The following PANX3 variants were observed in gnomAD, a reference collection of about 807,000 sequenced individuals.
PANX3 encodes pannexin 3.
Under a neutral mutation model 31.5 loss-of-function variants are expected in PANX3, and 18 were observed. That is an observed-to-expected ratio of 0.57 (90% CI 0.39 to 0.85). The LOEUF (loss-of-function observed/expected upper bound fraction) is 0.85. Among genes scored for constraint, PANX3 ranks in the 40% least tolerant of loss-of-function variants. PANX3 has a pLI of 0.00. For missense variants in PANX3, 426 were observed against 485.4 expected, an observed-to-expected ratio of 0.88 and a Z score of 1.15; for synonymous variants, 194 against 201.6, an observed-to-expected ratio of 0.96 and a Z score of 0.32.
At chr11:124,613,573 C>T (rs924685645) in intron 2 of PANX3, among the ~76,000 whole-genome samples, 5 of 152,226 alleles carry the variant, frequency 3.3e-5, no homozygotes, top group South Asian at 2.1e-4. Flanking sequence ...TGTCCCAGCA[C>T]GGCTCCCCTG....
In PANX3 at chr11:124,619,828, C is replaced by A; in HGVS notation, c.1072C>A (p.Gln358Lys). 6.2e-7 allele frequency: 1 copy of A among 1,614,046 alleles called. No individual in the cohort carries two copies. The highest frequency in any genetic ancestry group is 1.6e-4 in the Middle Eastern group (1 of 6,062). ...VLCVLKDTTT[Q>K]KHNIDTVVDF... ...ATGTGTGTTGAAGGATACAACCACC[C>A]AGAAGCACAATATTGACACAGTAGT... is the stretch of plus-strand genomic sequence containing the variant. Residue 358 changes from glutamine to lysine, a missense_variant, in exon 4 of 4, where the codon CAG becomes AAG. Coordinates refer to ENST00000284288, the MANE Select transcript of PANX3 (RefSeq NM_052959.3).
chr11:124,619,895 C>T lies in PANX3; in HGVS notation c.1139C>T (p.Pro380Leu), dbSNP rs754564151. The T allele has an allele frequency of 6.2e-7, 1 of 1,612,432 alleles. No individual in the cohort carries two copies. The highest frequency in any genetic ancestry group is 2.2e-5 in the East Asian group (1 of 44,856). The stretch of plus-strand genomic sequence containing the variant: ...TTGGCTGGCTTAGAACCCTCAAAAC[C>T]CAAACACCTCACCAACTCGGCATGT... ...TLLAGLEPSKPKHLTNSACDE... is the reference protein window; with the variant it reads ...TLLAGLEPSKLKHLTNSACDE... Residue 380 changes from proline to leucine, a missense_variant, in exon 4 of 4, where the codon CCC becomes CTC. Transcript: ENST00000284288.
At position 124,611,586 on chromosome 11, in the gene PANX3, C is replaced by T. The variant is rs1419210242; in HGVS notation, c.30C>T (p.Tyr10=). The change falls in exon 1 of 4, where the codon TAC becomes TAT. Residue 10 remains tyrosine, a synonymous_variant. Coordinates refer to ENST00000284288, the MANE Select transcript of PANX3 (RefSeq NM_052959.3). ...CACTTGCACACACAGCTGCAGAGTA[C>T]ATGCTCTCAGATGCCCTGCTGCCTG... MSLAHTAAE[Y]MLSDALLPDR... The T allele has an allele frequency of 2.5e-6, 4 of 1,614,034 alleles. No homozygotes were observed. The South Asian group carries it at 3.3e-5, about 13-fold the overall frequency.
At chr11:124,614,167 T>TAAAAAAAAAAAAA (rs71042444) in intron 2 of PANX3, among the ~76,000 whole-genome samples, 1 of 73,460 alleles carries the variant, frequency 1.4e-5, no homozygotes, top group African/African-American at 4.2e-5. Flanking sequence ...ATCTAAATGG[T>TAAAAAAAAAAAAA]AAAAAAAAAA....
chr11:124,614,864 A>C (rs1054277869), intron 2 of PANX3, among the ~76,000 whole-genome samples: 1 of 150,784 alleles, frequency 6.6e-6, no homozygotes, highest in Non-Finnish European at 1.5e-5. Context: ...TTTAGTAGAG[A>C]TGGGGTTTTA....
intron 3 of PANX3, among the ~76,000 whole-genome samples, chr11:124,618,308 G>A (rs1177139003): frequency 6.6e-6 from 1 of 152,100 alleles, no homozygotes; most frequent in Non-Finnish European, 1.5e-5. Context: ...TCTATCTTTT[G>A]AAGCCCAGAT....
intron 3 of PANX3, among the ~76,000 whole-genome samples, chr11:124,618,848 GT>G (rs1863182075): frequency 1.3e-5 from 2 of 152,270 alleles, no homozygotes; most frequent in Admixed American, 1.3e-4. Flanking sequence ...GTCTTACTGT[GT>G]TTCCCATGGT....
chr11:124,611,863 C>A, intron 1 of PANX3, 126 bp downstream of exon 1: 1 of 1,040,026 alleles, frequency 9.6e-7, no homozygotes, highest in Non-Finnish European at 1.3e-6. Context: ...GCTGGATTAT[C>A]CAAAAGGCAG....
intron 2 of PANX3, among the ~76,000 whole-genome samples, chr11:124,614,253 T>A (rs79580444): frequency 0.018 from 2,714 of 149,432 alleles, 34 homozygotes; most frequent in Non-Finnish European, 0.029. Context: ...TGCCTGATAA[T>A]CAAGATCGCC....
intron 3 of PANX3, among the ~76,000 whole-genome samples, chr11:124,618,525 T>G (rs1863178418): frequency 6.6e-6 from 1 of 152,208 alleles, no homozygotes; most frequent in Non-Finnish European, 1.5e-5. Flanking sequence ...GGCTTACATG[T>G]ACCTGAACAC....
chr11:124,615,039 C>T (rs1413064469), intron 2 of PANX3, among the ~76,000 whole-genome samples: 1 of 151,940 alleles, frequency 6.6e-6, no homozygotes, highest in East Asian at 1.9e-4. Context: ...GTGCCTTTCC[C>T]AACATATCTT....
rs1863194870 is a variant in PANX3 at position 124,619,684 on chromosome 11, G to C, written c.928G>C (p.Ala310Pro). ...RLLSVYEMLPAFDLLSRKMLG... is the reference protein window; with the variant it reads ...RLLSVYEMLPPFDLLSRKMLG... The stretch of plus-strand genomic sequence containing the variant: ...TTTATCTGTCTATGAGATGCTCCCA[G>C]CTTTTGATCTCCTCAGCAGAAAGAT... Residue 310 changes from alanine to proline, a missense_variant, in exon 4 of 4, where the codon GCT becomes CCT. By Grantham distance (27) the Ala-to-Pro change is conservative. Transcript: ENST00000284288. 1 of 1,614,170 alleles carries C rather than the reference G, an allele frequency of 6.2e-7. No homozygotes were observed. Among genetic ancestry groups the C allele is most frequent in the Non-Finnish European group, 8.5e-7 (1 of 1,180,028 alleles).
Position 124,616,013 on chromosome 11 carries a change from CAATAAATA to C in PANX3, c.325-1242_325-1235del, listed in dbSNP as rs746308882. Among the ~76,000 whole-genome samples, 12 of 151,916 alleles carry C rather than the reference CAATAAATA, an allele frequency of 7.9e-5. No homozygotes were observed. The highest frequency in any genetic ancestry group is 1.2e-4 in the Non-Finnish European group (8 of 67,974). On this transcript the variant is annotated intron_variant, in intron 2 of 3. Transcript: ENST00000284288. The surrounding 1 kb of genome is among the most constrained non-coding windows in gnomAD (Gnocchi z 4.8). ...TGGGCAAGAGAGCGAGACTCAATCT[CAATAAATA>C]AATAAATAAATAAATAAAAATCTTT...
rs771591505 is a variant in PANX3, at chr11:124,611,721, C to T, written c.165C>T (p.Ala55=). ...SPLLLMSLAF[A]QEFSSGSPIS... ...TGTTGCTGATGTCCCTGGCATTCGC[C>T]CAGGAGTTCTCCTCTGGTAAGTTGC... is the stretch of plus-strand genomic sequence containing the variant. Residue 55 remains alanine, a synonymous_variant, in exon 1 of 4, where the codon GCC becomes GCT. Coordinates refer to ENST00000284288, the MANE Select transcript of PANX3 (RefSeq NM_052959.3). 3 of 1,613,728 alleles carry T rather than the reference C, an allele frequency of 1.9e-6. No homozygotes were observed. Among genetic ancestry groups the T allele is most frequent in the East Asian group, 4.5e-5 (2 of 44,882 alleles).
chr11:124,613,221 A>T, intron 2 of PANX3, 99 bp downstream of exon 2: 1 of 1,369,870 alleles, frequency 7.3e-7, no homozygotes, highest in Non-Finnish European at 9.7e-7. Flanking sequence ...ACCACCCCTA[A>T]CCCATTTATT....
chr11:124,619,189 C>A (rs1237644721), intron 3 of PANX3, 107 bp from the exon 4 acceptor site: 1 of 1,227,000 alleles, frequency 8.1e-7, no homozygotes, highest in African/African-American at 1.5e-5. Flanking sequence ...TCATGGGAAC[C>A]AAGAATGCCA....
At chr11:124,612,946 C>T (rs778237132) in intron 1 of PANX3, 34 bp from the exon 2 acceptor site, 13 of 1,609,930 alleles carry the variant, frequency 8.1e-6, no homozygotes, top group Admixed American at 5.0e-5. Context: ...TCCACTCCAA[C>T]TCAGGCGGCC....
Position 124,617,400 on chromosome 11 carries a change from T to C in PANX3, c.451T>C (p.Tyr151His), listed in dbSNP as rs769698244. ...LFIISELDKS[Y>H]NRSIRLVQHM... ...CATCATCAGCGAACTGGACAAATCT[T>C]ATAATCGCTCCATCCGCCTCGTGCA... Residue 151 changes from tyrosine to histidine, a missense_variant, in exon 3 of 4, where the codon TAT becomes CAT. Tyr to His is a moderately conservative substitution (Grantham distance 83). Transcript: ENST00000284288. 6.2e-6 allele frequency: 10 copies of C among 1,614,040 alleles called. No homozygotes were observed. Among genetic ancestry groups the C allele is most frequent in the South Asian group, 3.3e-5 (3 of 91,092 alleles).
At chr11:124,615,345 T>A (rs1019135692) in intron 2 of PANX3, among the ~76,000 whole-genome samples, 2 of 152,180 alleles carry the variant, frequency 1.3e-5, no homozygotes, top group Non-Finnish European at 2.9e-5. Flanking sequence ...CCTCCCAAAG[T>A]GCTGGGATTA....
Sources: gnomAD v4.1 joint callset for allele counts (sites outside exome capture counted in the v4.1 genomes callset) on GRCh38, gnomAD v4.1.1 for gene constraint, Gnocchi (gnomAD v3.1) non-coding constraint, MANE v1.5 for transcripts, NCBI Gene and HGNC (gene_info 2026-07-23, HGNC 2026-07-21) for gene names.